Variants in KALRN observed in about 807,000 individuals in gnomAD.
KALRN encodes kalirin.
Under a neutral mutation model 353.7 loss-of-function variants are expected in KALRN, and 70 were observed. The ratio of observed to expected loss-of-function variants is 0.20; its 90% confidence interval spans 0.16 to 0.24. KALRN has a LOEUF of 0.24. KALRN is among the 10% of genes least tolerant of loss of function. KALRN has a pLI of 1.00. For missense variants in KALRN, 2,791 were observed against 3,756.7 expected, an observed-to-expected ratio of 0.74 and a Z score of 6.72; for synonymous variants, 1,391 against 1,434.8, an observed-to-expected ratio of 0.97 and a Z score of 0.69.
chr3:124,385,154 C>A, intron 11 of KALRN, 118 bp downstream of exon 11: 1 of 795,252 alleles, frequency 1.3e-6, no homozygotes, highest in South Asian at 2.8e-5. Context: ...TACTAACTTC[C>A]TAACTTTGGT....
intron 33 of KALRN, among the ~76,000 whole-genome samples, chr3:124,542,665 AGTT>A (rs965909478): frequency 2.0e-5 from 3 of 152,110 alleles, no homozygotes; most frequent in African/African-American, 4.8e-5. Flanking sequence ...AGAGAGAATA[AGTT>A]GTTAGCATTG....
At chr3:124,102,390 C>A (rs2061946071) in intron 1 of KALRN, among the ~76,000 whole-genome samples, 1 of 152,158 alleles carries the variant, frequency 6.6e-6, no homozygotes, top group African/African-American at 2.4e-5. Context: ...AATCCACATT[C>A]TTTTCCCTCC....
At chr3:124,624,710 G>A (rs2079734321) in intron 34 of KALRN, among the ~76,000 whole-genome samples, 1 of 152,170 alleles carries the variant, frequency 6.6e-6, no homozygotes. Context: ...AAGGAGGCAG[G>A]TGTCATCTTC....
At chr3:124,596,324 G>T (rs1437543559) in intron 34 of KALRN, among the ~76,000 whole-genome samples, 1 of 152,042 alleles carries the variant, frequency 6.6e-6, no homozygotes, top group African/African-American at 2.4e-5. Flanking sequence ...AAATTTAACT[G>T]GGCATGGTGG....
intron 40 of KALRN, 66 bp downstream of exon 40, chr3:124,657,617 C>A: frequency 1.4e-6 from 2 of 1,401,260 alleles, no homozygotes; most frequent in Non-Finnish European, 1.0e-6. Flanking sequence ...CCTCTTCCTG[C>A]ATCTGACTCA....
chr3:124,183,619 G>A (rs2150229835), intron 1 of KALRN, among the ~76,000 whole-genome samples: 1 of 152,282 alleles, frequency 6.6e-6, no homozygotes, highest in East Asian at 1.9e-4. Flanking sequence ...AACTGTGTGA[G>A]GAGGCAACAA....
chr3:124,414,774 G>A (rs1342005685), intron 14 of KALRN, among the ~76,000 whole-genome samples: 3 of 152,128 alleles, frequency 2.0e-5, no homozygotes, highest in Non-Finnish European at 4.4e-5. Context: ...CTCCTACCGG[G>A]GTCCTTGTTG....
chr3:124,683,365 G>A (rs545643434), intron 51 of KALRN, among the ~76,000 whole-genome samples: 1 of 152,210 alleles, frequency 6.6e-6, no homozygotes, highest in Non-Finnish European at 1.5e-5. Context: ...TAGGACCCAG[G>A]TGAGGCAGGT....
chr3:124,310,216 G>A (rs2078115461), intron 6 of KALRN, among the ~76,000 whole-genome samples: 1 of 150,042 alleles, frequency 6.7e-6, no homozygotes, highest in Non-Finnish European at 1.5e-5. Flanking sequence ...TGAAAAAAGT[G>A]TAAAACTTAT....
At chr3:124,680,853 C>T (rs2087704064) in intron 51 of KALRN, among the ~76,000 whole-genome samples, 1 of 152,142 alleles carries the variant, frequency 6.6e-6, no homozygotes, top group Non-Finnish European at 1.5e-5. Flanking sequence ...GTGGAGGTGG[C>T]ATTTGTAGCC....
intron 1 of KALRN, among the ~76,000 whole-genome samples, chr3:124,197,584 C>A (rs2075566521): frequency 6.6e-6 from 1 of 152,174 alleles, no homozygotes; most frequent in South Asian, 2.1e-4. Flanking sequence ...CTGCCTGGTT[C>A]ACCCTCCAGC....
intron 10 of KALRN, among the ~76,000 whole-genome samples, chr3:124,382,964 G>GTTAAA (rs1189056308): frequency 1.3e-5 from 2 of 152,114 alleles, no homozygotes; most frequent in African/African-American, 4.8e-5. Context: ...TTAACCCAGT[G>GTTAAA]GCAAAACTAC....
At chr3:124,285,212 G>A (rs556655971) in intron 5 of KALRN, among the ~76,000 whole-genome samples, 5 of 152,258 alleles carry the variant, frequency 3.3e-5, no homozygotes, top group Non-Finnish European at 5.9e-5. Flanking sequence ...GGGGTGAACT[G>A]GATGTTAGGG....
intron 10 of KALRN, among the ~76,000 whole-genome samples, chr3:124,360,076 C>T (rs1446613614): frequency 1.3e-5 from 2 of 152,240 alleles, no homozygotes. Flanking sequence ...CACCCAGCAG[C>T]TGGGCATCCA....
chr3:124,344,545 T>G (rs959004916), intron 9 of KALRN, among the ~76,000 whole-genome samples: 1 of 152,276 alleles, frequency 6.6e-6, no homozygotes, highest in African/African-American at 2.4e-5. Flanking sequence ...ATATTAACTA[T>G]GTTTATCTAG....
At chr3:124,245,336 G>A (rs528610571) in intron 3 of KALRN, among the ~76,000 whole-genome samples, 4 of 152,126 alleles carry the variant, frequency 2.6e-5, no homozygotes, top group Non-Finnish European at 4.4e-5. Context: ...TTTTATGGCT[G>A]AAGAGTACTC....
chr3:124,412,583 T>C (rs1226703075), intron 13 of KALRN, among the ~76,000 whole-genome samples: 1 of 152,238 alleles, frequency 6.6e-6, no homozygotes, highest in Non-Finnish European at 1.5e-5. Context: ...AAAGGAAGTG[T>C]AGGATTTAGT....
intron 43 of KALRN, among the ~76,000 whole-genome samples, chr3:124,659,986 C>T (rs761287488): frequency 9.9e-5 from 15 of 151,418 alleles, no homozygotes; most frequent in Non-Finnish European, 2.1e-4. Context: ...GGCTGCAGTG[C>T]AGTGACACAG....
Position 124,190,138 on chromosome 3 carries a change from C to A in KALRN, c.74-37852C>A, listed in dbSNP as rs115238853. Among the ~76,000 whole-genome samples the A allele has an allele frequency of 4.1e-3, 618 of 152,112 alleles. 2 individuals are homozygous for A. Among genetic ancestry groups the A allele is most frequent in the African/African-American group, 0.014 (577 of 41,494 alleles). Reference sequence around the variant, plus strand: ...TGCAGGAAGCAACTCTTGAACAGGGCTGAAAGACAGCAAAGGACTAGGATG... The same window carrying A: ...TGCAGGAAGCAACTCTTGAACAGGGATGAAAGACAGCAAAGGACTAGGATG... On this transcript the variant is annotated intron_variant, in intron 1 of 59. Transcript: ENST00000682506.
Sources: gnomAD v4.1 joint callset for allele counts (sites outside exome capture counted in the v4.1 genomes callset) on GRCh38, gnomAD v4.1.1 for gene constraint, MANE v1.5 for transcripts, NCBI Gene and HGNC (gene_info 2026-07-23, HGNC 2026-07-21) for gene names.